PDS5A: variants seen among roughly 807,000 people sequenced by gnomAD.
PDS5A encodes sister chromatid cohesion protein PDS5 homolog A.
In PDS5A, 42 loss-of-function variants were observed where a neutral mutation model predicts 167.1. That is an observed-to-expected ratio of 0.25 (90% CI 0.20 to 0.33). The LOEUF (loss-of-function observed/expected upper bound fraction) is 0.33. PDS5A is among the 10% of genes least tolerant of loss of function. The probability of loss-of-function intolerance (pLI) is 1.00; values close to 1 mark genes in which losing one functional copy is unlikely to be tolerated. For missense variants in PDS5A, 1,033 were observed against 1,605.9 expected, an observed-to-expected ratio of 0.64 and a Z score of 6.10; for synonymous variants, 553 against 554.6, an observed-to-expected ratio of 1.00 and a Z score of 0.04.
chr4:39,925,597 G>A (rs933152730), intron 5 of PDS5A, among the ~76,000 whole-genome samples: 4 of 152,152 alleles, frequency 2.6e-5, no homozygotes, highest in African/African-American at 9.7e-5. Flanking sequence ...TGGCCTCCAG[G>A]ACAGCCTGGG....
rs143183408 is a variant in PDS5A, at chr4:39,885,474, G to A, written c.1886+4775C>T. On this transcript the variant is annotated intron_variant, in intron 17 of 32. Coordinates refer to ENST00000303538, the MANE Select transcript of PDS5A (RefSeq NM_001100399.2). ...AAAAAAATTAGCTGAGCATGGTGAC[G>A]CACACCTATAGTTCCACCTACTCAG... is the stretch of plus-strand genomic sequence containing the variant. 2.6e-3 allele frequency among the ~76,000 whole-genome samples: 391 copies of A among 151,890 alleles called. 1 individual carries two copies. Among genetic ancestry groups the A allele is most frequent in the Non-Finnish European group, 3.3e-3 (225 of 67,962 alleles).
At chr4:39,919,640 G>A (rs572896866) in intron 7 of PDS5A, among the ~76,000 whole-genome samples, 6 of 152,134 alleles carry the variant, frequency 3.9e-5, no homozygotes, top group African/African-American at 7.2e-5. Flanking sequence ...GTGAGACTCC[G>A]TCTCAAAAAA....
intron 20 of PDS5A, among the ~76,000 whole-genome samples, 168 bp downstream of exon 20, chr4:39,874,121 G>C (rs982713006): frequency 1.3e-5 from 2 of 152,104 alleles, no homozygotes; most frequent in Non-Finnish European, 2.9e-5. Flanking sequence ...CTACAGGCTG[G>C]GAATGCAGTA....
chr4:39,882,780 T>C (rs1022129950), intron 17 of PDS5A, among the ~76,000 whole-genome samples: 2 of 152,138 alleles, frequency 1.3e-5, no homozygotes, highest in Non-Finnish European at 2.9e-5. Context: ...TCCTTCCTCT[T>C]ATAAAGTATT....
At chr4:39,911,998 A>G (rs1274605213) in intron 9 of PDS5A, among the ~76,000 whole-genome samples, 1 of 152,212 alleles carries the variant, frequency 6.6e-6, no homozygotes, top group Non-Finnish European at 1.5e-5. Context: ...TCATAAAAAA[A>G]CCAAGTAAAC....
intron 27 of PDS5A, among the ~76,000 whole-genome samples, chr4:39,849,315 TATA>T (rs552105382): frequency 2.8e-4 from 42 of 152,214 alleles, no homozygotes; most frequent in African/African-American, 7.9e-4. Flanking sequence ...GCTCTAAGGT[TATA>T]ATGTCTTTTC....
rs187553029 is a variant in PDS5A, at chr4:39,976,101, T to C, written c.138+339A>G. The stretch of plus-strand genomic sequence containing the variant: ...ATCAATCCCCTTCAGAAGCTGAAAA[T>C]AGTAAACTTCTTAGGCAAATTACTG... On this transcript the variant is annotated intron_variant, in intron 2 of 32. Coordinates refer to ENST00000303538, the MANE Select transcript of PDS5A (RefSeq NM_001100399.2). 3.4e-4 allele frequency: 57 copies of C among 166,804 alleles called. No individual in the cohort carries two copies. The East Asian group carries it at 3.7e-3, about 11-fold the overall frequency. 10.3% of individuals were successfully genotyped at this position (166,804 alleles called of 1,614,324 possible).
chr4:39,884,393 T>C (rs901744623), intron 17 of PDS5A, among the ~76,000 whole-genome samples: 3 of 152,206 alleles, frequency 2.0e-5, no homozygotes, highest in African/African-American at 7.2e-5. Flanking sequence ...TCTATTGAGC[T>C]GGGCCAGTAA....
chr4:39,912,783 A>G (rs1262048049), intron 9 of PDS5A, among the ~76,000 whole-genome samples: 2 of 152,246 alleles, frequency 1.3e-5, no homozygotes, highest in African/African-American at 4.8e-5. Context: ...CAACACTACT[A>G]TCAAGCCAAA....
intron 9 of PDS5A, 103 bp downstream of exon 9, chr4:39,913,508 C>A: frequency 1.6e-6 from 1 of 631,068 alleles, no homozygotes; most frequent in Non-Finnish European, 2.9e-6. Flanking sequence ...ATGAAACCAA[C>A]ATCTATTAAT....
chr4:39,838,995 A>G (rs972743079), intron 31 of PDS5A, among the ~76,000 whole-genome samples: 2 of 151,916 alleles, frequency 1.3e-5, no homozygotes, highest in Non-Finnish European at 2.9e-5. Flanking sequence ...TCTTGGGGGG[A>G]AAAAAATTGC....
chr4:39,833,210 A>AAAG (rs1553886584), intron 32 of PDS5A, among the ~76,000 whole-genome samples: 2 of 147,858 alleles, frequency 1.4e-5, no homozygotes, highest in Non-Finnish European at 3.0e-5. Flanking sequence ...AAAAAAAAAA[A>AAAG]AAAAAAGAAA....
At chr4:39,885,060 C>T (rs368831397) in intron 17 of PDS5A, among the ~76,000 whole-genome samples, 5 of 151,716 alleles carry the variant, frequency 3.3e-5, no homozygotes, top group African/African-American at 9.7e-5. Context: ...CACAGGAGCT[C>T]GAGACCAGCC....
Position 39,925,852 on chromosome 4 carries a change from G to A in PDS5A, c.511C>T (p.Leu171Phe). 7.0e-7 allele frequency: 1 copy of A among 1,436,618 alleles called. No homozygotes were observed. The highest frequency in any genetic ancestry group is 9.6e-7 in the Non-Finnish European group (1 of 1,040,524). 89.0% of individuals were successfully genotyped at this position (1,436,618 alleles called of 1,614,324 possible). ...ATAACTTACTTGATCACTGAGAAGA[G>A]AGTTCTAAAAAGCTGAATAAAAATT... ...NEIFIQLFRT[L>F]FSVINNSHNK... The change falls in exon 5 of 33, where the codon CTC (leucine) becomes TTC (phenylalanine). Residue 171 changes from leucine to phenylalanine, a missense_variant. By Grantham distance (22) the Leu-to-Phe change is conservative. Transcript: ENST00000303538.
Position 39,976,563 on chromosome 4 carries a change from C to G in PDS5A, c.15G>C (p.Ala5=). 1 of 1,611,932 alleles carries G rather than the reference C, an allele frequency of 6.2e-7. No homozygotes were observed. The highest frequency in any genetic ancestry group is 1.3e-5 in the African/African-American group (1 of 75,020). ...AGAGGGCAGTGGCAGGCTTGGGCTG[C>G]GCGGTGAAGTCCATCCTGGGGGACA... The part of the protein sequence containing the change: MDFT[A]QPKPATALCG... The change falls in exon 2 of 33, where the codon GCG becomes GCC. Residue 5 remains alanine, a synonymous_variant. Coordinates refer to ENST00000303538, the MANE Select transcript of PDS5A (RefSeq NM_001100399.2).
At chr4:39,868,520 G>C (rs187400657) in intron 22 of PDS5A, 74 of 357,616 alleles carry the variant, frequency 2.1e-4, no homozygotes, top group African/African-American at 1.5e-3. Context: ...GTAGACAAGG[G>C]GTTTCACCAT....
intron 2 of PDS5A, among the ~76,000 whole-genome samples, chr4:39,959,465 A>G (rs1180508381): frequency 2.0e-5 from 3 of 151,836 alleles, no homozygotes; most frequent in South Asian, 4.2e-4. Context: ...GATCCTTCCA[A>G]CTGGCCTCCT....
At position 39,863,463 on chromosome 4, in the gene PDS5A, TAAAC is replaced by T. The variant is rs1719166619; in HGVS notation, c.2643-8_2643-5del. ...CAAGCGAGACATATCAGATTTACTA[TAAAC>T]AAACAAAAAAGAAATAAACATTTCC... On this transcript the variant is annotated splice_polypyrimidine_tract_variant and splice_region_variant and intron_variant, in intron 23 of 32. Transcript: ENST00000303538. 1 of 1,579,226 alleles carries T rather than the reference TAAAC, an allele frequency of 6.3e-7. No homozygotes were observed. Among genetic ancestry groups the T allele is most frequent in the Non-Finnish European group, 8.6e-7 (1 of 1,165,326 alleles).
At chr4:39,839,451 T>C (rs1023450097) in intron 31 of PDS5A, among the ~76,000 whole-genome samples, 4 of 151,406 alleles carry the variant, frequency 2.6e-5, no homozygotes, top group Non-Finnish European at 5.9e-5. Context: ...GTGCCTATAA[T>C]CCAGCTACTC....
Sources: allele counts gnomAD v4.1 joint callset (sites outside exome capture counted in the v4.1 genomes callset), GRCh38; gene constraint gnomAD v4.1.1; transcripts MANE v1.5; gene names NCBI Gene and HGNC (gene_info 2026-07-23, HGNC 2026-07-21).